The following GNAL variants were observed in gnomAD, a reference collection of about 807,000 sequenced individuals.
GNAL encodes G protein subunit alpha L, also known as guanine nucleotide-binding protein G(olf) subunit alpha.
In GNAL, 18 loss-of-function variants were observed where a neutral mutation model predicts 55.1. The ratio of observed to expected loss-of-function variants is 0.33; its 90% CI spans 0.23 to 0.48. GNAL has a LOEUF of 0.48. Among genes scored for constraint, GNAL ranks in the 20% least tolerant of loss-of-function variants. The pLI, the probability that GNAL is intolerant of heterozygous loss-of-function variation, is 0.99. For missense variants in GNAL, 412 were observed against 614.1 expected (o/e 0.67, Z 3.48); for synonymous variants, 253 against 237.0 (o/e 1.07, Z -0.62).
chr18:11,738,003 C>T (rs1359771475), intron 1 of GNAL, among the ~76,000 whole-genome samples: 4 of 152,312 alleles, frequency 2.6e-5, no homozygotes, highest in South Asian at 4.1e-4. Flanking sequence ...GGTCTGCAGG[C>T]CGGCAGAACC....
At chr18:11,744,064 G>GT (rs1376010692) in intron 1 of GNAL, among the ~76,000 whole-genome samples, 16 of 152,156 alleles carry the variant, frequency 1.1e-4, no homozygotes, top group African/African-American at 3.9e-4. Context: ...TTCTAACACA[G>GT]TAATTAAACT....
intron 5 of GNAL, among the ~76,000 whole-genome samples, chr18:11,847,212 T>C (rs998193716): frequency 6.6e-6 from 1 of 152,006 alleles, no homozygotes; most frequent in Non-Finnish European, 1.5e-5. Flanking sequence ...GAGGTCACCA[T>C]GCCACACCTA....
chr18:11,753,930 C>T lies in GNAL; in HGVS notation c.609C>T (p.Asp203=), dbSNP rs1464992806. 2 of 1,609,194 alleles carry T rather than the reference C, an allele frequency of 1.2e-6. No individual in the cohort carries two copies. Among genetic ancestry groups the T allele is most frequent in the Non-Finnish European group, 1.7e-6 (2 of 1,176,212 alleles). Residue 203 remains aspartate (D), a synonymous_variant, in exon 4 of 12, where the codon GAC becomes GAT. Coordinates refer to ENST00000334049, the MANE Select transcript of GNAL (RefSeq NM_182978.4). ...TCAAGAGCATAGCCCCTATCACTGA[C>T]TTTGAATATTCCCAGGTAAGAAATG... is the stretch of plus-strand genomic sequence containing the variant. The part of the protein sequence containing the change: ...DYIKSIAPIT[D]FEYSQEFFDH...
chr18:11,797,278 GC>G (rs1305843028), intron 4 of GNAL, among the ~76,000 whole-genome samples: 1 of 151,958 alleles, frequency 6.6e-6, no homozygotes, highest in Non-Finnish European at 1.5e-5. Context: ...GATTTATGTT[GC>G]TATATTGTTT....
intron 5 of GNAL, among the ~76,000 whole-genome samples, chr18:11,831,330 G>T (rs1273951701): frequency 6.6e-6 from 1 of 152,100 alleles, no homozygotes; most frequent in Non-Finnish European, 1.5e-5. Context: ...GTCCTCTTCT[G>T]AAGTACAGGT....
intron 4 of GNAL, among the ~76,000 whole-genome samples, chr18:11,808,273 C>T (rs1290434489): frequency 6.6e-6 from 1 of 152,182 alleles, no homozygotes; most frequent in Non-Finnish European, 1.5e-5. Flanking sequence ...ACTGCTGTCC[C>T]TCTTCCCTCA....
intron 4 of GNAL, among the ~76,000 whole-genome samples, chr18:11,796,668 G>A (rs780619467): frequency 6.6e-6 from 1 of 150,850 alleles, no homozygotes; most frequent in South Asian, 2.1e-4. Flanking sequence ...TATCCTGCCA[G>A]TGTCATAGAA....
At chr18:11,694,703 T>G (rs1208898439) in intron 1 of GNAL, among the ~76,000 whole-genome samples, 1 of 152,068 alleles carries the variant, frequency 6.6e-6, no homozygotes, top group East Asian at 1.9e-4. Context: ...ACTCCCATGG[T>G]CTTGAGCATG....
chr18:11,759,230 C>G (rs370924218), intron 4 of GNAL, among the ~76,000 whole-genome samples: 1 of 152,098 alleles, frequency 6.6e-6, no homozygotes, highest in Non-Finnish European at 1.5e-5. Flanking sequence ...GTTGCCTCCT[C>G]CAAAAATCCT....
chr18:11,755,251 G>A (rs780563152), intron 4 of GNAL, among the ~76,000 whole-genome samples: 1 of 152,122 alleles, frequency 6.6e-6, no homozygotes, highest in Non-Finnish European at 1.5e-5. Flanking sequence ...TATTGGGATG[G>A]CTAATAAGAA....
chr18:11,861,269 T>A (rs926035352), intron 5 of GNAL, among the ~76,000 whole-genome samples: 4 of 151,952 alleles, frequency 2.6e-5, no homozygotes, highest in Non-Finnish European at 4.4e-5. Flanking sequence ...TGGCTCTCCT[T>A]CTTCCTTCTA....
At position 11,829,179 on chromosome 18, in the gene GNAL, T is replaced by C. The variant is rs2143675025; in HGVS notation, c.722+4164T>C. On this transcript the variant is annotated intron_variant, in intron 5 of 11. Transcript: ENST00000334049. Reference sequence around the variant, plus strand: ...AGGCTTGTCAGGAATAAAACACCTTTAGCCAAAGCCTCTGTTTCAGCTTTC... The same window carrying C: ...AGGCTTGTCAGGAATAAAACACCTTCAGCCAAAGCCTCTGTTTCAGCTTTC... Among the ~76,000 whole-genome samples, 2 of 152,352 alleles carry C rather than the reference T, an allele frequency of 1.3e-5. 1 individual carries two copies. The highest frequency in any genetic ancestry group is 4.1e-4 in the South Asian group (2 of 4,828).
chr18:11,871,087 A>C (rs1238074161), intron 9 of GNAL, among the ~76,000 whole-genome samples: 1 of 152,022 alleles, frequency 6.6e-6, no homozygotes. Context: ...ATGAAAACAT[A>C]AAATTTCTGT....
chr18:11,775,690 CTG>C (rs1413997128), intron 4 of GNAL, among the ~76,000 whole-genome samples: 2 of 152,228 alleles, frequency 1.3e-5, no homozygotes, highest in Non-Finnish European at 2.9e-5. Flanking sequence ...AAGAGGCATT[CTG>C]TGTGGGGGCA....
intron 1 of GNAL, among the ~76,000 whole-genome samples, chr18:11,741,414 A>C (rs1208479816): frequency 6.6e-6 from 1 of 151,994 alleles, no homozygotes; most frequent in Non-Finnish European, 1.5e-5. Context: ...AAATTTCTCT[A>C]AAAAAAATGA....
intron 6 of GNAL, among the ~76,000 whole-genome samples, chr18:11,863,314 A>G (rs943260839): frequency 5.3e-5 from 8 of 152,136 alleles, no homozygotes; most frequent in African/African-American, 1.2e-4. Flanking sequence ...GTGAACCCCA[A>G]GGAAGTTAGA....
chr18:11,859,799 G>A (rs1319117014), intron 5 of GNAL, among the ~76,000 whole-genome samples: 3 of 151,744 alleles, frequency 2.0e-5, no homozygotes, highest in Admixed American at 2.0e-4. Context: ...AGGCTGGAGT[G>A]CAGTGGTGTG....
At chr18:11,738,568 C>T (rs1331947979) in intron 1 of GNAL, among the ~76,000 whole-genome samples, 1 of 152,182 alleles carries the variant, frequency 6.6e-6, no homozygotes, top group Non-Finnish European at 1.5e-5. Flanking sequence ...CTGCCTCAGC[C>T]TGCTGAGTAG....
chr18:11,696,683 G>A (rs1478428071), intron 1 of GNAL, among the ~76,000 whole-genome samples: 2 of 152,016 alleles, frequency 1.3e-5, no homozygotes, highest in Non-Finnish European at 2.9e-5. Flanking sequence ...TTCATCCCAG[G>A]GATTTATCTT....
Sources: gnomAD v4.1 joint callset for allele counts (sites outside exome capture counted in the v4.1 genomes callset) on GRCh38, gnomAD v4.1.1 for gene constraint, MANE v1.5 for transcripts, NCBI Gene and HGNC (gene_info 2026-07-23, HGNC 2026-07-21) for gene names.